The following LPP variants were observed in gnomAD, a reference collection of about 807,000 sequenced individuals.
The protein encoded by LPP is lipoma-preferred partner.
In LPP, 38 loss-of-function variants were observed where a neutral mutation model predicts 60.4. The ratio of observed to expected loss-of-function variants is 0.63; its 90% CI spans 0.49 to 0.83. The LOEUF (loss-of-function observed/expected upper bound fraction) is 0.83. Among genes scored for constraint, LPP ranks in the 40% least tolerant of loss-of-function variants. The pLI, the probability that LPP is intolerant of heterozygous loss-of-function variation, is 0.00. For missense variants in LPP, 902 were observed against 783.6 expected (o/e 1.15, Z -1.80); for synonymous variants, 328 against 290.8 (o/e 1.13, Z -1.30).
intron 7 of LPP, among the ~76,000 whole-genome samples, chr3:188,672,018 T>C (rs1857049352): frequency 6.6e-6 from 1 of 152,230 alleles, no homozygotes; most frequent in African/African-American, 2.4e-5. Flanking sequence ...CAATCATTGT[T>C]TAAATAGAAG....
At chr3:188,171,364 T>C (rs1044676220) in intron 1 of LPP, among the ~76,000 whole-genome samples, 15 of 152,358 alleles carry the variant, frequency 9.8e-5, no homozygotes, top group African/African-American at 3.6e-4. Flanking sequence ...TTATTGCCAT[T>C]GCTTTTTAGT....
At chr3:188,766,565 T>C (rs1734227383) in intron 9 of LPP, among the ~76,000 whole-genome samples, 1 of 152,164 alleles carries the variant, frequency 6.6e-6, no homozygotes, top group South Asian at 2.1e-4. Flanking sequence ...AAGTGTCAGC[T>C]TGCTTAGTTC....
At chr3:188,258,567 C>A (rs1732462850) in intron 2 of LPP, among the ~76,000 whole-genome samples, 1 of 152,194 alleles carries the variant, frequency 6.6e-6, no homozygotes, top group African/African-American at 2.4e-5. Flanking sequence ...GTGATTCTCC[C>A]ACCTTGGCCT....
At chr3:188,305,890 A>G (rs1250016253) in intron 2 of LPP, among the ~76,000 whole-genome samples, 2 of 151,890 alleles carry the variant, frequency 1.3e-5, no homozygotes, top group Non-Finnish European at 1.5e-5. Flanking sequence ...GTTGTCTTCA[A>G]TAGTTTAATT....
At chr3:188,736,336 A>G (rs1560134126) in intron 8 of LPP, among the ~76,000 whole-genome samples, 1 of 152,196 alleles carries the variant, frequency 6.6e-6, no homozygotes, top group Non-Finnish European at 1.5e-5. Flanking sequence ...TAACAACTGT[A>G]TGAAAATTTT....
At chr3:188,683,442 A>G (rs1454584583) in intron 7 of LPP, among the ~76,000 whole-genome samples, 1 of 152,054 alleles carries the variant, frequency 6.6e-6, no homozygotes, top group Non-Finnish European at 1.5e-5. Flanking sequence ...GAGATGGCCT[A>G]TTGGGGTTTC....
At chr3:188,298,102 C>G (rs2150115675) in intron 2 of LPP, among the ~76,000 whole-genome samples, 1 of 152,258 alleles carries the variant, frequency 6.6e-6, no homozygotes, top group East Asian at 1.9e-4. Context: ...GATAGCCTTC[C>G]TGAAATGAAC....
intron 1 of LPP, among the ~76,000 whole-genome samples, chr3:188,212,230 G>A (rs1314493594): frequency 2.6e-5 from 4 of 152,086 alleles, no homozygotes; most frequent in African/African-American, 9.7e-5. Context: ...CTTTTCAGGT[G>A]CATCTCCCAA....
At chr3:188,530,390 T>C (rs1821846049) in intron 6 of LPP, among the ~76,000 whole-genome samples, 1 of 152,222 alleles carries the variant, frequency 6.6e-6, no homozygotes, top group African/African-American at 2.4e-5. Context: ...TTAAATGTGT[T>C]TGTCAGGGAG....
chr3:188,536,040 G>C (rs10937353), intron 6 of LPP, among the ~76,000 whole-genome samples: 71,061 of 136,666 alleles, frequency 0.52, 18,026 homozygotes, highest in East Asian at 0.92. Flanking sequence ...TGGAGTTTCA[G>C]TCTTGTTGCC....
intron 8 of LPP, among the ~76,000 whole-genome samples, chr3:188,737,733 A>G (rs940715101): frequency 2.2e-4 from 34 of 152,162 alleles, no homozygotes; most frequent in Non-Finnish European, 4.7e-4. Context: ...TGAATGTTTA[A>G]TAGCCTTAGG....
At chr3:188,626,297 G>A (rs1244064701) in intron 7 of LPP, among the ~76,000 whole-genome samples, 1 of 152,064 alleles carries the variant, frequency 6.6e-6, no homozygotes, top group African/African-American at 2.4e-5. Flanking sequence ...TATTTACCTA[G>A]CATTTACATT....
chr3:188,595,222 C>T (rs1014234347), intron 6 of LPP, among the ~76,000 whole-genome samples: 1 of 146,972 alleles, frequency 6.8e-6, no homozygotes, highest in African/African-American at 2.4e-5. Context: ...TTTGTTTGAA[C>T]CCAGGAATTT....
At chr3:188,807,756 C>T (rs1210487651) in intron 9 of LPP, among the ~76,000 whole-genome samples, 2 of 152,048 alleles carry the variant, frequency 1.3e-5, no homozygotes, top group Non-Finnish European at 2.9e-5. Context: ...TGAGATCATG[C>T]AAATTTTCTT....
chr3:188,872,609 C>T lies in LPP; in HGVS notation c.1590-34C>T, dbSNP rs1198427474. The T allele has an allele frequency of 3.7e-6, 6 of 1,613,784 alleles. No individual in the cohort carries two copies. In the South Asian group the frequency reaches 6.6e-5, roughly 18 times the overall value. On this transcript the variant is annotated intron_variant, in intron 10 of 11. Transcript: ENST00000617246. ...TGCGTCCCACCTCAGTGTCGACGCG[C>T]AGTATCTAACCAGAACTCTCTCTTC...
intron 7 of LPP, among the ~76,000 whole-genome samples, chr3:188,620,196 CAATT>C (rs1845558591): frequency 6.6e-6 from 1 of 151,974 alleles, no homozygotes; most frequent in Admixed American, 6.6e-5. Context: ...TAATTTAACA[CAATT>C]AAATTATTTT....
At chr3:188,738,754 G>A (rs943798412) in intron 8 of LPP, among the ~76,000 whole-genome samples, 2 of 152,230 alleles carry the variant, frequency 1.3e-5, no homozygotes, top group East Asian at 3.9e-4. Flanking sequence ...TGTTGTGAAA[G>A]TTGCATTCAC....
chr3:188,611,705 G>A (rs1312676708), intron 7 of LPP, among the ~76,000 whole-genome samples: 1 of 152,186 alleles, frequency 6.6e-6, no homozygotes, highest in East Asian at 1.9e-4. Flanking sequence ...ATCCCACATA[G>A]GAACCAGACA....
chr3:188,536,002 A>ATTT (rs11293389), intron 6 of LPP, among the ~76,000 whole-genome samples: 23 of 121,760 alleles, frequency 1.9e-4, no homozygotes, highest in South Asian at 1.6e-3. Flanking sequence ...TATTACATGA[A>ATTT]TTTTTTTTTT....
Sources: gnomAD v4.1 joint callset for allele counts (sites outside exome capture counted in the v4.1 genomes callset) on GRCh38, gnomAD v4.1.1 for gene constraint, MANE v1.5 for transcripts, NCBI Gene and HGNC (gene_info 2026-07-23, HGNC 2026-07-21) for gene names.